ADGRL3: variants seen among roughly 807,000 people sequenced by gnomAD.
The protein encoded by ADGRL3 is adhesion G protein-coupled receptor L3, also known as calcium-independent alpha-latrotoxin receptor 3.
ADGRL3 carries 62 observed loss-of-function variants against 153.5 expected under a neutral mutation model. That is an observed-to-expected ratio of 0.40 (90% CI 0.33 to 0.50). The LOEUF (loss-of-function observed/expected upper bound fraction) is 0.50. ADGRL3 is among the 20% of genes least tolerant of loss of function. ADGRL3 has a pLI of 0.47. For missense variants in ADGRL3, 1,641 were observed against 1,859.4 expected, an observed-to-expected ratio of 0.88 and a Z score of 2.16; for synonymous variants, 710 against 672.5, an observed-to-expected ratio of 1.06 and a Z score of -0.86.
rs946972408 is a variant in ADGRL3 at position 61,829,265 on chromosome 4, C to A, written c.1480+15376C>A. On this transcript the variant is annotated intron_variant, in intron 9 of 26. Transcript: ENST00000683033. ...GGCACTTAATTTATGATCAGTTGCC[C>A]TATGGAATTAGTGACCAAACAAATG... is the stretch of plus-strand genomic sequence containing the variant. Among the ~76,000 whole-genome samples the A allele has an allele frequency of 8.5e-5, 13 of 152,112 alleles. No individual in the cohort carries two copies. In the East Asian group the frequency reaches 1.7e-3, roughly 20 times the overall value.
intron 8 of ADGRL3, among the ~76,000 whole-genome samples, chr4:61,785,320 T>C (rs2097264171): frequency 6.6e-6 from 1 of 152,180 alleles, no homozygotes. Context: ...GTTTTTATTC[T>C]GCAGTGCTCC....
At chr4:61,740,542 C>A (rs765051908) in intron 8 of ADGRL3, among the ~76,000 whole-genome samples, 2 of 152,148 alleles carry the variant, frequency 1.3e-5, no homozygotes, top group Non-Finnish European at 2.9e-5. Flanking sequence ...TCTTTGACTC[C>A]TACAGTTTGT....
chr4:61,815,341 A>T (rs1316443252), intron 9 of ADGRL3, among the ~76,000 whole-genome samples: 1 of 152,190 alleles, frequency 6.6e-6, no homozygotes, highest in African/African-American at 2.4e-5. Context: ...TCCCCAGGTC[A>T]GTTGGGTGTT....
At chr4:61,432,560 TTTTCTTTCTCTTCCTTTC>T (rs1352723034) in intron 2 of ADGRL3, among the ~76,000 whole-genome samples, 4 of 33,350 alleles carry the variant, frequency 1.2e-4, no homozygotes, top group African/African-American at 1.5e-4. Context: ...TATAGATTTC[TTTTCTTTCTCTTCCTTTC>T]TTTCTTTCTT....
At chr4:61,796,294 G>A (rs1361747853) in intron 8 of ADGRL3, among the ~76,000 whole-genome samples, 2 of 152,084 alleles carry the variant, frequency 1.3e-5, no homozygotes, top group African/African-American at 4.8e-5. Flanking sequence ...TAATCATTTT[G>A]AATCTTCGTC....
chr4:61,983,692 A>G, intron 19 of ADGRL3, 89 bp downstream of exon 19: 5 of 1,159,946 alleles, frequency 4.3e-6, no homozygotes, highest in Non-Finnish European at 6.2e-6. Flanking sequence ...ATTACCTCAC[A>G]GTGAAGAAAC....
chr4:61,967,956 G>A (rs959524417), intron 17 of ADGRL3, among the ~76,000 whole-genome samples: 9 of 152,284 alleles, frequency 5.9e-5, no homozygotes, highest in African/African-American at 2.2e-4. Context: ...TTGTCAGAAG[G>A]CAGAGGGCAA....
intron 9 of ADGRL3, among the ~76,000 whole-genome samples, chr4:61,833,837 C>T (rs1007924929): frequency 6.6e-6 from 1 of 152,028 alleles, no homozygotes; most frequent in African/African-American, 2.4e-5. Flanking sequence ...AAGTTCTTCC[C>T]AAAGTTAGTT....
intron 2 of ADGRL3, among the ~76,000 whole-genome samples, chr4:61,406,008 T>G (rs972210535): frequency 6.6e-5 from 10 of 152,106 alleles, no homozygotes; most frequent in Non-Finnish European, 1.5e-4. Flanking sequence ...ATAAACAAAC[T>G]TCAAACATTT....
rs548077234 is a variant in ADGRL3, at chr4:62,008,037, A to G, written c.3395+9772A>G. ...AGACTTGACCACTGAATTTAGCAAC[A>G]TGGGGATCTTTGGTGAACTTGACAA... is the stretch of plus-strand genomic sequence containing the variant. On this transcript the variant is annotated intron_variant, in intron 21 of 26. Transcript: ENST00000683033. 2.0e-5 allele frequency among the ~76,000 whole-genome samples: 3 copies of G among 152,162 alleles called. 1 individual carries two copies. The highest frequency in any genetic ancestry group is 2.1e-4 in the South Asian group (1 of 4,816).
At chr4:61,264,222 G>C (rs2092712088) in intron 1 of ADGRL3, among the ~76,000 whole-genome samples, 1 of 151,934 alleles carries the variant, frequency 6.6e-6, no homozygotes, top group Admixed American at 6.6e-5. Flanking sequence ...TTAAGAAACT[G>C]CTTGGGAGAA....
chr4:61,353,018 C>G (rs982504759), intron 1 of ADGRL3, among the ~76,000 whole-genome samples: 1 of 151,990 alleles, frequency 6.6e-6, no homozygotes, highest in Admixed American at 6.6e-5. Flanking sequence ...GCCCGAGGTT[C>G]GAAAATCCTA....
intron 6 of ADGRL3, among the ~76,000 whole-genome samples, chr4:61,725,068 G>A (rs1661063304): frequency 6.6e-6 from 1 of 152,096 alleles, no homozygotes; most frequent in Non-Finnish European, 1.5e-5. Context: ...ATACCATAGT[G>A]CCATTTAGTC....
At chr4:61,395,097 T>A (rs2152058554) in intron 2 of ADGRL3, among the ~76,000 whole-genome samples, 1 of 152,182 alleles carries the variant, frequency 6.6e-6, no homozygotes, top group African/African-American at 2.4e-5. Context: ...CAATTTAATT[T>A]CATACCTGAT....
intron 4 of ADGRL3, among the ~76,000 whole-genome samples, chr4:61,531,632 T>C (rs2098616360): frequency 6.6e-6 from 1 of 152,230 alleles, no homozygotes; most frequent in African/African-American, 2.4e-5. Flanking sequence ...AAGATTTAAC[T>C]CCTACTTGGG....
intron 17 of ADGRL3, among the ~76,000 whole-genome samples, chr4:61,967,176 G>C (rs1354185629): frequency 6.6e-6 from 1 of 152,030 alleles, no homozygotes; most frequent in East Asian, 1.9e-4. Flanking sequence ...TCTGTCTTCT[G>C]ATCCAGACAT....
chr4:61,228,749 A>G (rs1022180828), intron 1 of ADGRL3, among the ~76,000 whole-genome samples: 6 of 152,154 alleles, frequency 3.9e-5, no homozygotes, highest in Admixed American at 6.6e-5. Flanking sequence ...AATAAGTGCA[A>G]TGGCACCGTC....
chr4:62,033,918 T>G (rs181370140), intron 23 of ADGRL3, among the ~76,000 whole-genome samples: 1 of 151,782 alleles, frequency 6.6e-6, no homozygotes, highest in African/African-American at 2.4e-5. Context: ...TTCTTTTGCT[T>G]TGAGTATTTT....
chr4:61,637,836 A>C lies in ADGRL3; in HGVS notation c.474-38990A>C, dbSNP rs1027547569. 1.6e-4 allele frequency among the ~76,000 whole-genome samples: 25 copies of C among 152,320 alleles called. 1 individual carries two copies. The highest frequency in any genetic ancestry group is 6.8e-3 in the Middle Eastern group (2 of 294). On this transcript the variant is annotated intron_variant, in intron 5 of 26. Transcript: ENST00000683033. ...AGTAGAGTTATCTGTTTCCAAAACA[A>C]GGCAAAAAGAAGGAACAAAGAAACA...
Sources: allele counts gnomAD v4.1 joint callset (sites outside exome capture counted in the v4.1 genomes callset), GRCh38; gene constraint gnomAD v4.1.1; transcripts MANE v1.5; gene names NCBI Gene and HGNC (gene_info 2026-07-23, HGNC 2026-07-21).